The following ARV1 variants were observed in gnomAD, a reference collection of about 807,000 sequenced individuals.
ARV1 encodes the protein protein ARV1.
A neutral mutation model predicts 31.1 loss-of-function variants in ARV1; 26 were observed. That is an observed-to-expected ratio of 0.84 (90% confidence interval 0.61 to 1.16). The LOEUF (loss-of-function observed/expected upper bound fraction) is 1.16. Ranked by LOEUF, ARV1 falls within the 50% of genes most tolerant of loss-of-function variation. ARV1 has a pLI of 0.00. For synonymous variants in ARV1, 117 were observed against 123.2 expected (o/e 0.95, Z 0.34); for missense variants, 281 against 324.9 (o/e 0.86, Z 1.04).
chr1:230,984,343 C>CGTGTGT (rs374689782), intron 1 of ARV1, among the ~76,000 whole-genome samples: 4,833 of 119,144 alleles, frequency 0.041, 123 homozygotes, highest in Middle Eastern at 0.071. Flanking sequence ...TTGTTTGTTT[C>CGTGTGT]GTGTGTGTGT....
chr1:230,997,183 A>G lies in ARV1; in HGVS notation c.736A>G (p.Ser246Gly). 6.2e-7 allele frequency: 1 copy of G among 1,614,008 alleles called. No homozygotes were observed. Among genetic ancestry groups the G allele is most frequent in the Non-Finnish European group, 8.5e-7 (1 of 1,179,876 alleles). Residue 246 changes from serine to glycine, a missense_variant, in exon 5 of 6, where the codon AGC becomes GGC. Coordinates refer to ENST00000310256, the MANE Select transcript of ARV1 (RefSeq NM_022786.3). ...CGTGTTGAGTGGCTTACTGCTGGAA[A>G]GCATCATGGTCTACTTCTTCCAGAG... ...LAVLSGLLLE[S>G]IMVYFFQSME...
chr1:230,984,829 C>T (rs779448530), intron 1 of ARV1, among the ~76,000 whole-genome samples: 3 of 152,288 alleles, frequency 2.0e-5, no homozygotes, highest in Admixed American at 6.5e-5. Flanking sequence ...GGGTCTATGC[C>T]GGACACGAAC....
intron 1 of ARV1, among the ~76,000 whole-genome samples, chr1:230,981,050 A>C (rs145611305): frequency 6.6e-6 from 1 of 152,278 alleles, no homozygotes; most frequent in East Asian, 1.9e-4. Context: ...CCTCCTTGAA[A>C]TGCTGTGTGC....
intron 1 of ARV1, among the ~76,000 whole-genome samples, chr1:230,987,999 T>C (rs1679130603): frequency 6.6e-6 from 1 of 152,254 alleles, no homozygotes; most frequent in Non-Finnish European, 1.5e-5. Context: ...GAATTGGACA[T>C]AGAGTCTCTG....
At chr1:230,985,912 T>G (rs1679052415) in intron 1 of ARV1, among the ~76,000 whole-genome samples, 1 of 142,116 alleles carries the variant, frequency 7.0e-6, no homozygotes, top group South Asian at 2.7e-4. Flanking sequence ...GTCAGTTTGA[T>G]TAAGCAGAAT....
In ARV1 at chr1:230,997,138, C is replaced by T. The variant is rs545841146; in HGVS notation, c.691C>T (p.Arg231Cys). ...CTTTCCAGTGACCCTAAACATCAAC[C>T]GTAAGCTCTCCTTCTTGGCCGTGTT... The part of the protein sequence containing the change: ...QAIRVTLNIN[R>C]KLSFLAVLSG... Residue 231 changes from arginine to cysteine, a missense_variant, in exon 5 of 6, where the codon CGT (arginine) becomes TGT (cysteine). Coordinates refer to ENST00000310256, the MANE Select transcript of ARV1 (RefSeq NM_022786.3). 21 of 1,614,052 alleles carry T rather than the reference C, an allele frequency of 1.3e-5. No individual in the cohort carries two copies. The highest frequency in any genetic ancestry group is 3.3e-4 in the Middle Eastern group (2 of 6,062).
intron 2 of ARV1, among the ~76,000 whole-genome samples, chr1:230,989,421 G>A (rs184229246): frequency 1.3e-5 from 2 of 152,324 alleles, no homozygotes; most frequent in African/African-American, 4.8e-5. Context: ...ACAGGCATGA[G>A]CTACTGTGCC....
chr1:230,989,228 T>C (rs6541248), intron 2 of ARV1, among the ~76,000 whole-genome samples: 50,044 of 151,978 alleles, frequency 0.33, 8,516 homozygotes, highest in Middle Eastern at 0.57. Context: ...AGCCTCTACC[T>C]CCTGGGTTCA....
At chr1:230,997,023 C>G (rs1372003755) in intron 4 of ARV1, 98 bp from the exon 5 acceptor site, 5 of 1,426,718 alleles carry the variant, frequency 3.5e-6, no homozygotes, top group Admixed American at 4.2e-5. Context: ...TTGATTTTTC[C>G]AAAAACAGCT....
intron 1 of ARV1, among the ~76,000 whole-genome samples, chr1:230,986,724 A>G (rs138046952): frequency 3.2e-4 from 33 of 102,214 alleles, no homozygotes; most frequent in African/African-American, 1.2e-3. Context: ...AGAGACCGAG[A>G]CAGGGTCTTG....
chr1:230,983,062 G>A (rs1678954646), intron 1 of ARV1, among the ~76,000 whole-genome samples: 1 of 151,956 alleles, frequency 6.6e-6, no homozygotes, highest in Non-Finnish European at 1.5e-5. Context: ...TGTGTCCCTT[G>A]CTTTTAACCA....
At chr1:230,981,081 C>T (rs12126651) in intron 1 of ARV1, among the ~76,000 whole-genome samples, 14,202 of 152,156 alleles carry the variant, frequency 0.093, 677 homozygotes, top group South Asian at 0.17. Flanking sequence ...ATTCAGTGCT[C>T]TTCTTATTGT....
intron 1 of ARV1, among the ~76,000 whole-genome samples, chr1:230,985,827 T>C (rs373929888): frequency 6.8e-4 from 103 of 152,310 alleles, no homozygotes; most frequent in African/African-American, 2.4e-3. Context: ...GAATTTCTGA[T>C]TCTGGGGCTT....
chr1:230,985,612 C>T (rs1331418761), intron 1 of ARV1, among the ~76,000 whole-genome samples: 1 of 152,198 alleles, frequency 6.6e-6, no homozygotes, highest in Non-Finnish European at 1.5e-5. Context: ...GTCCAGATCC[C>T]CAGCCTTAGA....
At chr1:230,990,671 C>T (rs898014646) in intron 3 of ARV1, 35 of 353,876 alleles carry the variant, frequency 9.9e-5, no homozygotes, top group African/African-American at 6.7e-4. Flanking sequence ...CCTCCTGCCT[C>T]GGCCCCCCCA....
intron 1 of ARV1, among the ~76,000 whole-genome samples, chr1:230,986,537 G>A (rs191224504): frequency 5.3e-5 from 8 of 151,956 alleles, no homozygotes; most frequent in East Asian, 1.9e-4. Context: ...AGTAGTCCCC[G>A]TTCTCTTTGG....
chr1:230,986,668 A>ATTTTTTTT lies in ARV1; in HGVS notation c.175-1621_175-1614dup, dbSNP rs1162209283. On this transcript the variant is annotated intron_variant, in intron 1 of 5. Coordinates refer to ENST00000310256, the MANE Select transcript of ARV1 (RefSeq NM_022786.3). Reference sequence around the variant, plus strand: ...CACCCACAAATGTAATACTTTTCCTATTTTTTTTTTTTTTTTTTTTTTTTT... The same window carrying ATTTTTTTT: ...CACCCACAAATGTAATACTTTTCCTATTTTTTTTTTTTTTTTTTTTTTTTTTTTTTTTT... Among the ~76,000 whole-genome samples, 16 of 62,352 alleles carry ATTTTTTTT rather than the reference A, an allele frequency of 2.6e-4. 1 individual carries two copies. The highest frequency in any genetic ancestry group is 1.2e-3 in the East Asian group (2 of 1,614). 40.9% of individuals were successfully genotyped at this position (62,352 alleles called of 152,430 possible). A position where few individuals can be genotyped will look rare whatever the true frequency, so the allele number is the denominator to read the frequency against.
intron 3 of ARV1, among the ~76,000 whole-genome samples, chr1:230,995,103 A>C (rs1679324403): frequency 6.6e-6 from 1 of 152,238 alleles, no homozygotes; most frequent in Non-Finnish European, 1.5e-5. Flanking sequence ...CACAGTTAAA[A>C]GAGATGTTAA....
rs562618891 is a variant in ARV1 at position 230,979,447 on chromosome 1, C to A, written c.174+168C>A. 71 of 767,582 alleles carry A rather than the reference C, an allele frequency of 9.2e-5. 1 individual carries two copies. In the South Asian group the frequency reaches 1.4e-3, roughly 15 times the overall value. 47.5% of individuals were successfully genotyped at this position (767,582 alleles called of 1,614,324 possible). A position where few individuals can be genotyped will look rare whatever the true frequency, so the allele number is the denominator to read the frequency against. Reference sequence around the variant, plus strand: ...GATAGAGAACTCAGCTACCCGACAGCGCTTTTCTCATACTGGGGCATATTT... The same window carrying A: ...GATAGAGAACTCAGCTACCCGACAGAGCTTTTCTCATACTGGGGCATATTT... On this transcript the variant is annotated intron_variant, in intron 1 of 5. Transcript: ENST00000310256.
Sources: gnomAD v4.1 joint callset for allele counts (sites outside exome capture counted in the v4.1 genomes callset) on GRCh38, gnomAD v4.1.1 for gene constraint, MANE v1.5 for transcripts, NCBI Gene and HGNC (gene_info 2026-07-23, HGNC 2026-07-21) for gene names.